The following RBFOX1 variants were observed in gnomAD, a reference collection of about 807,000 sequenced individuals.
RBFOX1 encodes the protein RNA binding fox-1 homolog 1.
In RBFOX1, 8 loss-of-function variants were observed where a neutral mutation model predicts 57.7. The observed-to-expected ratio is 0.14, with a 90% CI of 0.08 to 0.25. RBFOX1 has a LOEUF of 0.25. Among genes scored for constraint, RBFOX1 ranks in the 10% least tolerant of loss-of-function variants. The pLI is 1.00. For synonymous variants in RBFOX1, 326 were observed against 222.4 expected (o/e 1.47, Z -4.15); for missense variants, 611 against 548.5 (o/e 1.11, Z -1.14).
chr16:5,889,295 C>A (rs1047374899), intron 4 of RBFOX1, among the ~76,000 whole-genome samples: 15 of 152,126 alleles, frequency 9.9e-5, no homozygotes, highest in African/African-American at 3.6e-4. Context: ...TCATTCAGCT[C>A]CCCCTTATAA....
At chr16:6,462,236 C>T (rs1472080562) in intron 2 of RBFOX1, among the ~76,000 whole-genome samples, 1 of 152,188 alleles carries the variant, frequency 6.6e-6, no homozygotes. Flanking sequence ...CCTCCAGTCT[C>T]ACTCTGGGAG....
At chr16:6,283,842 C>A (rs948070347) in intron 1 of RBFOX1, among the ~76,000 whole-genome samples, 1 of 152,230 alleles carries the variant, frequency 6.6e-6, no homozygotes, top group Non-Finnish European at 1.5e-5. Context: ...AAATTACCTG[C>A]AATGGCACTT....
intron 2 of RBFOX1, among the ~76,000 whole-genome samples, chr16:6,464,025 C>T (rs536568244): frequency 5.3e-4 from 80 of 152,310 alleles, no homozygotes; most frequent in African/African-American, 1.6e-3. Flanking sequence ...TAGTGAATTT[C>T]ACTGTTCCTG....
rs867879108 is a variant in RBFOX1 at position 6,450,845 on chromosome 16, A to G, written c.-64+133788A>G. On this transcript the variant is annotated intron_variant, in intron 2 of 15. Transcript: ENST00000550418. ...TATATATATATATATATGTGTATAT[A>G]TATATATATATATATATATATATAT... Among the ~76,000 whole-genome samples the G allele has an allele frequency of 2.2e-3, 142 of 63,276 alleles. 32 individuals carry two copies. The highest frequency in any genetic ancestry group is 8.4e-3 in the African/African-American group (133 of 15,840). The allele number at this position is 63,276 out of a possible 152,430, so 41.5% of individuals were successfully genotyped here.
chr16:6,819,099 G>A (rs781334430), intron 3 of RBFOX1, among the ~76,000 whole-genome samples: 3 of 152,146 alleles, frequency 2.0e-5, no homozygotes, highest in Admixed American at 6.5e-5. Flanking sequence ...ACAGACTTCC[G>A]GTTTCAGGAT....
At chr16:6,614,278 G>T (rs145558575) in intron 2 of RBFOX1, among the ~76,000 whole-genome samples, 32 of 152,190 alleles carry the variant, frequency 2.1e-4, no homozygotes, top group African/African-American at 7.0e-4. Context: ...AAGATAGAAA[G>T]AATCCCTTCT....
rs561117495 is a variant in RBFOX1 at position 6,819,204 on chromosome 16, C to T, written c.-16+164554C>T. 1.4e-4 allele frequency among the ~76,000 whole-genome samples: 21 copies of T among 152,228 alleles called. No homozygotes were observed. In the South Asian group the frequency reaches 3.7e-3, roughly 27 times the overall value. The stretch of plus-strand genomic sequence containing the variant: ...AGTGTCCTAACATTCTGTTTATTTC[C>T]GTATAGAAATCGTCTTCATTCCTGT... On this transcript the variant is annotated intron_variant, in intron 3 of 15. Coordinates refer to ENST00000550418, the MANE Select transcript of RBFOX1 (RefSeq NM_018723.4).
intron 4 of RBFOX1, among the ~76,000 whole-genome samples, chr16:7,218,899 T>C (rs2092492233): frequency 6.6e-6 from 1 of 152,160 alleles, no homozygotes; most frequent in African/African-American, 2.4e-5. Context: ...GCAGTTAGCA[T>C]GTTCAGCACA....
At chr16:7,587,051 G>A (rs1015255458) in intron 6 of RBFOX1, among the ~76,000 whole-genome samples, 196 bp from the exon 7 acceptor site, 8 of 152,114 alleles carry the variant, frequency 5.3e-5, no homozygotes, top group Admixed American at 2.0e-4. Context: ...AAGCCTTGCC[G>A]GTATATTCCA....
At chr16:6,753,625 C>T (rs754364404) in intron 3 of RBFOX1, among the ~76,000 whole-genome samples, 9 of 152,092 alleles carry the variant, frequency 5.9e-5, no homozygotes, top group Admixed American at 1.3e-4. Context: ...AGCAACAGAG[C>T]GAAAGGGAGA....
intron 4 of RBFOX1, among the ~76,000 whole-genome samples, chr16:7,137,555 G>T (rs372177207): frequency 6.6e-6 from 1 of 152,142 alleles, no homozygotes; most frequent in Non-Finnish European, 1.5e-5. Flanking sequence ...GTGGAACTGT[G>T]AGTCCATTAA....
chr16:7,028,534 C>G (rs1208148525), intron 3 of RBFOX1, among the ~76,000 whole-genome samples: 2 of 130,912 alleles, frequency 1.5e-5, no homozygotes, highest in African/African-American at 2.9e-5. Flanking sequence ...TTGCAGTGAG[C>G]TGAGGTTGAA....
chr16:6,861,487 T>C (rs200952610), intron 3 of RBFOX1, among the ~76,000 whole-genome samples: 1,158 of 133,588 alleles, frequency 8.7e-3, no homozygotes, highest in Non-Finnish European at 0.012. Flanking sequence ...CCCAACCCCC[T>C]CCCCCCCCGA....
intron 3 of RBFOX1, among the ~76,000 whole-genome samples, chr16:7,016,352 C>T (rs1212554778): frequency 3.3e-5 from 5 of 152,096 alleles, no homozygotes; most frequent in Non-Finnish European, 4.4e-5. Context: ...TATAAACTAG[C>T]CTATAGAGTT....
chr16:6,611,464 C>A (rs1299288226), intron 2 of RBFOX1, among the ~76,000 whole-genome samples: 1 of 152,276 alleles, frequency 6.6e-6, no homozygotes, highest in Admixed American at 6.5e-5. Context: ...TCTGCTTTTA[C>A]ATGATGCTTC....
chr16:5,251,457 C>G (rs1418059143), intron 1 of RBFOX1, among the ~76,000 whole-genome samples: 1 of 152,158 alleles, frequency 6.6e-6, no homozygotes, highest in African/African-American at 2.4e-5. Context: ...GGGGCATTGT[C>G]TTAGTGCCGA....
chr16:6,644,120 C>T (rs1192604117), intron 2 of RBFOX1, among the ~76,000 whole-genome samples: 2 of 152,108 alleles, frequency 1.3e-5, no homozygotes, highest in African/African-American at 4.8e-5. Context: ...AGCGAGACTC[C>T]ATCTCAATAA....
At position 5,972,814 on chromosome 16, in the gene RBFOX1, C is replaced by T. The variant is rs1261738020; in HGVS notation, c.351+105479C>T. On this transcript the variant is annotated intron_variant, in intron 4 of 19. Transcript: ENST00000641259. ...GCCACCTTCCTGGGCACCATGCACC[C>T]TTGGCTGTTTGGCTTCCTTAGTAGC... Among the ~76,000 whole-genome samples, 5 of 152,196 alleles carry T rather than the reference C, an allele frequency of 3.3e-5. No individual in the cohort carries two copies. In the East Asian group the frequency reaches 7.7e-4, roughly 23 times the overall value.
At chr16:6,456,177 C>G (rs1372309547) in intron 2 of RBFOX1, among the ~76,000 whole-genome samples, 1 of 152,056 alleles carries the variant, frequency 6.6e-6, no homozygotes. Flanking sequence ...GATATAAATA[C>G]TATTAAGACC....
Sources: allele counts gnomAD v4.1 joint callset (sites outside exome capture counted in the v4.1 genomes callset), GRCh38; gene constraint gnomAD v4.1.1; transcripts MANE v1.5; gene names NCBI Gene and HGNC (gene_info 2026-07-23, HGNC 2026-07-21).